Variants in SUPT5H observed in about 807,000 individuals in gnomAD.
SUPT5H encodes the protein transcription elongation factor SPT5.
Under a neutral mutation model 142.5 loss-of-function variants are expected in SUPT5H, and 24 were observed. The ratio of observed to expected loss-of-function variants is 0.17; its 90% confidence interval spans 0.12 to 0.24. The LOEUF (loss-of-function observed/expected upper bound fraction) is 0.24, where lower values mean the gene tolerates loss of function less well. Ranked by LOEUF, SUPT5H falls within the 10% of genes least tolerant of loss-of-function variation. The pLI, the probability that SUPT5H is intolerant of heterozygous loss-of-function variation, is 1.00. For missense variants in SUPT5H, 893 were observed against 1,471.8 expected, an observed-to-expected ratio of 0.61 and a Z score of 6.43; for synonymous variants, 546 against 553.0, an observed-to-expected ratio of 0.99 and a Z score of 0.18.
At chr19:39,453,311 G>C in intron 2 of SUPT5H, 45 bp from the exon 3 acceptor site, 1 of 1,540,404 alleles carries the variant, frequency 6.5e-7, no homozygotes, top group Non-Finnish European at 8.7e-7. Context: ...TTGGATTTTT[G>C]GGGTAGCAGA....
rs771930976 is a variant in SUPT5H at position 39,474,062 on chromosome 19, C to A, written c.2592C>A (p.Asp864Glu). The change falls in exon 26 of 30, where the codon GAC (aspartate) becomes GAA (glutamate). Residue 864 changes from aspartate to glutamate, a missense_variant. By Grantham distance (45) the Asp-to-Glu change is conservative (BLOSUM62 2). Transcript: ENST00000432763. The surrounding 1 kb of genome is among the most constrained non-coding windows in gnomAD (Gnocchi z 6.5). The stretch of plus-strand genomic sequence containing the variant: ...ATCCCCAAACACCTGGCTACCCAGA[C>A]CCCTCGTCCCCACAGGTCAACCCAC... Reference protein sequence around the residue: ...TPNPQTPGYPDPSSPQVNPQY... With the variant: ...TPNPQTPGYPEPSSPQVNPQY... 1.9e-6 allele frequency: 3 copies of A among 1,610,142 alleles called. No individual in the cohort carries two copies. The highest frequency in any genetic ancestry group is 3.4e-5 in the Admixed American group (2 of 59,672).
chr19:39,460,567 G>A (rs934229234), intron 10 of SUPT5H, among the ~76,000 whole-genome samples: 29 of 152,224 alleles, frequency 1.9e-4, no homozygotes, highest in South Asian at 6.2e-4. Context: ...GTGAAACCCC[G>A]TCTCTACTAA....
chr19:39,450,193 C>A (rs2079003344), intron 2 of SUPT5H, among the ~76,000 whole-genome samples: 1 of 152,156 alleles, frequency 6.6e-6, no homozygotes, highest in East Asian at 1.9e-4. Context: ...TCTACCTTGG[C>A]CTCCCAAAGT....
At position 39,468,699 on chromosome 19, in the gene SUPT5H, A is replaced by G. The variant is rs556572466; in HGVS notation, c.1038-57A>G. 8.8e-5 allele frequency: 133 copies of G among 1,517,186 alleles called. 1 individual carries two copies. The South Asian group carries it at 1.5e-3, about 17-fold the overall frequency. The allele number at this position is 1,517,186 out of a possible 1,614,324, so 94.0% of individuals were successfully genotyped here. ...TTGCCAGCTGAGAAGACTGAGGTAC[A>G]GCAAGATTTTCTTCTTGACTCTCCC... On this transcript the variant is annotated intron_variant, in intron 13 of 29. Transcript: ENST00000432763.
rs1265965152 is a variant in SUPT5H at position 39,474,005 on chromosome 19, C to T, written c.2535C>T (p.Thr845=). The T allele has an allele frequency of 6.2e-7, 1 of 1,613,868 alleles. No individual in the cohort carries two copies. The highest frequency in any genetic ancestry group is 1.1e-5 in the South Asian group (1 of 91,078). ...AGTATGCTTTCGATGATGAGCCCAC[C>T]CCGTCCCCGCAGGCCTATGGGGGAA... ...EYEYAFDDEP[T]PSPQAYGGTP... The change falls in exon 26 of 30, where the codon ACC becomes ACT. Residue 845 remains threonine (T), a synonymous_variant. Coordinates refer to ENST00000432763, the MANE Select transcript of SUPT5H (RefSeq NM_001111020.3). The surrounding 1 kb of genome is among the most constrained non-coding windows in gnomAD (Gnocchi z 6.5).
rs996661244 is a variant in SUPT5H at position 39,458,556 on chromosome 19, G to A, written c.319+251G>A. On this transcript the variant is annotated intron_variant, in intron 5 of 29. Coordinates refer to ENST00000432763, the MANE Select transcript of SUPT5H (RefSeq NM_001111020.3). This position sits in a 1 kb window ranked among gnomAD's most constrained non-coding sequence, Gnocchi z 4.2. ...GTGGTAGCGATGTGTGGGGTGGGGTGCAGTCCAGGGTGTGCCTGGACTTTG... is the reference window on the plus strand; with the variant it reads ...GTGGTAGCGATGTGTGGGGTGGGGTACAGTCCAGGGTGTGCCTGGACTTTG... 3 of 768,764 alleles carry A rather than the reference G, an allele frequency of 3.9e-6. No individual in the cohort carries two copies. The highest frequency in any genetic ancestry group is 1.7e-5 in the African/African-American group (1 of 57,664). The allele number at this position is 768,764 out of a possible 1,614,324, so 47.6% of individuals were successfully genotyped here. A position where few individuals can be genotyped will look rare whatever the true frequency, so the allele number is the denominator to read the frequency against.
At position 39,472,563 on chromosome 19, in the gene SUPT5H, A is replaced by T. The variant is rs1310227325; in HGVS notation, c.2035+70A>T. 6.4e-7 allele frequency: 1 copy of T among 1,550,630 alleles called. No individual in the cohort carries two copies. The highest frequency in any genetic ancestry group is 1.1e-5 in the South Asian group (1 of 89,062). Reference sequence around the variant, plus strand: ...TGGAAGGAACTTGGTTGTTCAGCCTACACTCACTGAGTGCCTGTGCTGGGC... The same window carrying T: ...TGGAAGGAACTTGGTTGTTCAGCCTTCACTCACTGAGTGCCTGTGCTGGGC... On this transcript the variant is annotated intron_variant, in intron 21 of 29. Coordinates refer to ENST00000432763, the MANE Select transcript of SUPT5H (RefSeq NM_001111020.3). The surrounding 1 kb of genome is among the most constrained non-coding windows in gnomAD (Gnocchi z 4.2).
At chr19:39,457,577 G>A (rs2079106403) in intron 3 of SUPT5H, 98 bp from the exon 4 acceptor site, 2 of 1,554,364 alleles carry the variant, frequency 1.3e-6, no homozygotes, top group Admixed American at 1.8e-5. Context: ...CTGTGCGGTG[G>A]GGATTTGTAG....
At position 39,458,951 on chromosome 19, in the gene SUPT5H, C is replaced by T; in HGVS notation, c.390-54C>T. On this transcript the variant is annotated intron_variant, in intron 6 of 29. Transcript: ENST00000432763. The surrounding 1 kb of genome is among the most constrained non-coding windows in gnomAD (Gnocchi z 4.2). ...TGGGGAGATTTGGGAGTAGGTCAGC[C>T]CACCTGCTGTCCTCAACCTTCAATT... 6.2e-7 allele frequency: 1 copy of T among 1,613,438 alleles called. No individual in the cohort carries two copies. Among genetic ancestry groups the T allele is most frequent in the Non-Finnish European group, 8.5e-7 (1 of 1,179,400 alleles).
At chr19:39,457,541 C>A in intron 3 of SUPT5H, 134 bp from the exon 4 acceptor site, 3 of 1,480,198 alleles carry the variant, frequency 2.0e-6, no homozygotes, top group Non-Finnish European at 2.7e-6. Context: ...ACGAGTGCCT[C>A]CCTGTTGGAG....
Position 39,470,063 on chromosome 19 carries a change from G to A in SUPT5H, c.1375-56G>A. The A allele has an allele frequency of 6.3e-7, 1 of 1,575,716 alleles. No individual in the cohort carries two copies. ...TAGATTCTGAAGACAGGAGGGGCAGGCAGGTTGTGGTGGTCTCCCTTCACC... is the reference window on the plus strand; with the variant it reads ...TAGATTCTGAAGACAGGAGGGGCAGACAGGTTGTGGTGGTCTCCCTTCACC... On this transcript the variant is annotated intron_variant, in intron 16 of 29. Transcript: ENST00000432763. The surrounding 1 kb of genome is among the most constrained non-coding windows in gnomAD (Gnocchi z 5.8).
In SUPT5H at chr19:39,469,541, A is replaced by G. The variant is rs2146119127; in HGVS notation, c.1374+143A>G. 8.1e-7 allele frequency: 1 copy of G among 1,239,646 alleles called. No homozygotes were observed. The highest frequency in any genetic ancestry group is 1.4e-5 in the South Asian group (1 of 69,842). 76.8% of individuals were successfully genotyped at this position (1,239,646 alleles called of 1,614,324 possible). A position where few individuals can be genotyped will look rare whatever the true frequency, so the allele number is the denominator to read the frequency against. Reference sequence around the variant, plus strand: ...CCCTTCTAGCATTCTCAGGTGCCTGAGAGGCTCTGTCTGAGTGCAGCTCAG... The same window carrying G: ...CCCTTCTAGCATTCTCAGGTGCCTGGGAGGCTCTGTCTGAGTGCAGCTCAG... On this transcript the variant is annotated intron_variant, in intron 16 of 29. Transcript: ENST00000432763. This position sits in a 1 kb window ranked among gnomAD's most constrained non-coding sequence, Gnocchi z 5.1.
rs374836069 is a variant in SUPT5H at position 39,466,728 on chromosome 19, T to C, written c.1020T>C (p.Phe340=). The C allele has an allele frequency of 6.2e-6, 10 of 1,614,088 alleles. No homozygotes were observed. Among genetic ancestry groups the C allele is most frequent in the Non-Finnish European group, 7.6e-6 (9 of 1,180,044 alleles). ...TTAAGCGGCCTCCACAGAGGCTGTT[T>C]GATGCTGAGAAGATCAGGTGCGTGT... ...KKFKRPPQRL[F]DAEKIRSLGG... The change falls in exon 13 of 30, where the codon TTT becomes TTC. Residue 340 remains phenylalanine (F), a synonymous_variant. Transcript: ENST00000432763. This position sits in a 1 kb window ranked among gnomAD's most constrained non-coding sequence, Gnocchi z 4.3.
intron 8 of SUPT5H, 115 bp from the exon 9 acceptor site, chr19:39,459,444 G>C: frequency 7.0e-7 from 1 of 1,426,990 alleles, no homozygotes; most frequent in African/African-American, 1.4e-5. Flanking sequence ...GGAAGTCAGT[G>C]AGTGTGAGGG....
chr19:39,462,445 T>A (rs958863962), intron 10 of SUPT5H, among the ~76,000 whole-genome samples: 1 of 152,204 alleles, frequency 6.6e-6, no homozygotes, highest in Non-Finnish European at 1.5e-5. Context: ...AAGGGAATCA[T>A]ACAATATGTC....
intron 2 of SUPT5H, among the ~76,000 whole-genome samples, chr19:39,447,407 C>A (rs768210585): frequency 1.3e-5 from 2 of 151,472 alleles, no homozygotes; most frequent in Non-Finnish European, 2.9e-5. Context: ...CCAACATTTC[C>A]TGGGGCATTT....
At chr19:39,468,977 C>G (rs2079280652) in intron 14 of SUPT5H, 102 bp from the exon 15 acceptor site, 5 of 1,558,286 alleles carry the variant, frequency 3.2e-6, no homozygotes, top group Non-Finnish European at 4.4e-6. Context: ...GGAGTGTTCC[C>G]TAGGAGAATT....
rs1053209684 is a variant in SUPT5H at position 39,466,204 on chromosome 19, C to A, written c.877-276C>A. On this transcript the variant is annotated intron_variant, in intron 11 of 29. Transcript: ENST00000432763. This position sits in a 1 kb window ranked among gnomAD's most constrained non-coding sequence, Gnocchi z 4.3. Reference sequence around the variant, plus strand: ...GCAGAGGGAAGAATGGAGTGGGAGGCGGCAGGTTTGGGGGAATCAGCGGTT... The same window carrying A: ...GCAGAGGGAAGAATGGAGTGGGAGGAGGCAGGTTTGGGGGAATCAGCGGTT... Among the ~76,000 whole-genome samples, 4 of 152,014 alleles carry A rather than the reference C, an allele frequency of 2.6e-5. No homozygotes were observed. Among genetic ancestry groups the A allele is most frequent in the African/African-American group, 9.7e-5 (4 of 41,388 alleles).
Position 39,468,711 on chromosome 19 carries a change from T to C in SUPT5H, c.1038-45T>C, listed in dbSNP as rs1175980933. On this transcript the variant is annotated intron_variant, in intron 13 of 29. Coordinates refer to ENST00000432763, the MANE Select transcript of SUPT5H (RefSeq NM_001111020.3). ...AAGACTGAGGTACAGCAAGATTTTC[T>C]TCTTGACTCTCCCTTCTAATCTTCT... 3 of 1,574,206 alleles carry C rather than the reference T, an allele frequency of 1.9e-6. No homozygotes were observed. In the African/African-American group the frequency reaches 4.0e-5, roughly 21 times the overall value.
Sources: gnomAD v4.1 joint callset for allele counts (sites outside exome capture counted in the v4.1 genomes callset) on GRCh38, gnomAD v4.1.1 for gene constraint, Gnocchi (gnomAD v3.1) non-coding constraint, MANE v1.5 for transcripts, NCBI Gene and HGNC (gene_info 2026-07-23, HGNC 2026-07-21) for gene names.